The following SV2B variants were observed in gnomAD, a reference collection of about 807,000 sequenced individuals.
SV2B encodes solute carrier family 22 member B2.
SV2B carries 41 observed loss-of-function variants against 73.9 expected under a neutral mutation model. The ratio of observed to expected loss-of-function variants is 0.56; its 90% CI spans 0.43 to 0.72. The LOEUF is 0.72. Among genes scored for constraint, SV2B ranks in the 30% least tolerant of loss-of-function variants. The pLI is 0.00. For synonymous variants in SV2B, 314 were observed against 314.2 expected (o/e 1.00, Z 0.01); for missense variants, 764 against 857.8 (o/e 0.89, Z 1.37).
intron 1 of SV2B, among the ~76,000 whole-genome samples, chr15:91,156,080 T>C (rs2043480914): frequency 6.6e-6 from 1 of 151,984 alleles, no homozygotes; most frequent in Non-Finnish European, 1.5e-5. Context: ...AATGGAAAAG[T>C]GTTTTATGTT....
At chr15:91,200,442 G>A (rs2045418471) in intron 1 of SV2B, among the ~76,000 whole-genome samples, 1 of 152,174 alleles carries the variant, frequency 6.6e-6, no homozygotes, top group Admixed American at 6.5e-5. Context: ...GATCAGAAAG[G>A]AAACTAGAGG....
intron 1 of SV2B, among the ~76,000 whole-genome samples, chr15:91,210,477 A>T (rs2045816665): frequency 6.6e-6 from 1 of 152,154 alleles, no homozygotes; most frequent in Non-Finnish European, 1.5e-5. Flanking sequence ...AAGAAAGGCT[A>T]AAGTCAGAGC....
chr15:91,222,070 C>A (rs542703153), intron 1 of SV2B, among the ~76,000 whole-genome samples: 4 of 152,158 alleles, frequency 2.6e-5, no homozygotes, highest in Admixed American at 2.6e-4. Flanking sequence ...GCCTGCAGTG[C>A]CTTCCTCTCC....
At chr15:91,166,975 G>A (rs1031036459) in intron 1 of SV2B, among the ~76,000 whole-genome samples, 3 of 151,794 alleles carry the variant, frequency 2.0e-5, no homozygotes, top group Admixed American at 6.6e-5. Context: ...CACCATGCCC[G>A]GCTATTTTTT....
chr15:91,156,065 C>T (rs1343910521), intron 1 of SV2B, among the ~76,000 whole-genome samples: 12 of 151,856 alleles, frequency 7.9e-5, no homozygotes, highest in Non-Finnish European at 1.8e-4. Context: ...CAAGCAGAAA[C>T]AAGGAATGGA....
In SV2B at chr15:91,292,809, G is replaced by GGA. The variant is rs2049091923; in HGVS notation, c.*261_*262dup. 2.6e-6 allele frequency: 1 copy of GGA among 383,814 alleles called. No individual in the cohort carries two copies. Among genetic ancestry groups the GGA allele is most frequent in the African/African-American group, 2.1e-5 (1 of 48,550 alleles). 23.8% of individuals were successfully genotyped at this position (383,814 alleles called of 1,614,324 possible). ...TTCAAGTCTTCCCAGTCCAAGGCAG[G>GGA]GAGAGGATTCTCCAGTGAGTGCACA... On this transcript the variant is annotated 3_prime_UTR_variant, in exon 13 of 13. Transcript: ENST00000394232.
In SV2B at chr15:91,260,375, T is replaced by C. The variant is rs773318473; in HGVS notation, c.974T>C (p.Met325Thr). Reference protein sequence around the residue: ...MILKQVHDTNMRAKGTPEKVF... With the variant: ...MILKQVHDTNTRAKGTPEKVF... ...CTCAAGCAAGTCCATGACACCAACA[T>C]GAGAGCTAAGGGGACCCCAGAGAAA... Residue 325 changes from methionine to threonine, a missense_variant, in exon 6 of 13, where the codon ATG becomes ACG. Physicochemically the swap from Met to Thr is moderately conservative, Grantham distance 81 (BLOSUM62 -1). Transcript: ENST00000394232. The C allele has an allele frequency of 6.2e-7, 1 of 1,613,418 alleles. No homozygotes were observed. The highest frequency in any genetic ancestry group is 2.2e-5 in the East Asian group (1 of 44,862).
rs577577165 is a variant in SV2B, at chr15:91,121,227, A to G, written c.-392+20864A>G. On this transcript the variant is annotated intron_variant, in intron 1 of 12. Coordinates refer to ENST00000394232, the MANE Select transcript of SV2B (RefSeq NM_001323032.3). This position sits in a 1 kb window ranked among gnomAD's most constrained non-coding sequence, Gnocchi z 4.4. ...CTGATTTCGAGTCAAAGTTTTCTTC[A>G]CCTCAGGCGAGTTTTTATCTAGTGC... 1.1e-4 allele frequency among the ~76,000 whole-genome samples: 16 copies of G among 152,158 alleles called. No homozygotes were observed. The highest frequency in any genetic ancestry group is 2.6e-4 in the African/African-American group (11 of 41,520).
intron 1 of SV2B, among the ~76,000 whole-genome samples, chr15:91,195,506 A>G (rs1331613507): frequency 6.6e-6 from 1 of 152,200 alleles, no homozygotes; most frequent in Non-Finnish European, 1.5e-5. Flanking sequence ...AAATGGGGAG[A>G]TGAGCATTTT....
intron 1 of SV2B, among the ~76,000 whole-genome samples, chr15:91,148,775 A>G (rs1033986725): frequency 6.6e-6 from 1 of 152,208 alleles, no homozygotes; most frequent in Non-Finnish European, 1.5e-5. Flanking sequence ...CTGAGTCCAC[A>G]TCTGAAGGCA....
At chr15:91,158,221 T>C (rs74038081) in intron 1 of SV2B, among the ~76,000 whole-genome samples, 17,803 of 152,152 alleles carry the variant, frequency 0.12, 1,359 homozygotes, top group South Asian at 0.22. Flanking sequence ...CTTGGTGCTG[T>C]TGTCTCAATA....
At chr15:91,184,075 A>G (rs950668325) in intron 1 of SV2B, among the ~76,000 whole-genome samples, 1 of 152,188 alleles carries the variant, frequency 6.6e-6, no homozygotes, top group African/African-American at 2.4e-5. Flanking sequence ...AACTGTCACA[A>G]TATTGTGAAT....
intron 9 of SV2B, among the ~76,000 whole-genome samples, chr15:91,275,208 C>A (rs897935957): frequency 7.3e-5 from 11 of 151,610 alleles, no homozygotes; most frequent in African/African-American, 2.7e-4. Context: ...TTTGTTTTTT[C>A]TTTTCTCCCA....
rs540834840 is a variant in SV2B at position 91,192,296 on chromosome 15, T to A, written c.-391-33577T>A. On this transcript the variant is annotated intron_variant, in intron 1 of 12. Transcript: ENST00000394232. ...CTTGAATGACTAAAAGAATTTTCAT[T>A]TCACTCTCGCATTTGATTATAAATT... Among the ~76,000 whole-genome samples, 71 of 152,344 alleles carry A rather than the reference T, an allele frequency of 4.7e-4. No individual in the cohort carries two copies. In the South Asian group the frequency reaches 9.1e-3, roughly 20 times the overall value.
chr15:91,143,279 A>G (rs1343943530), intron 1 of SV2B, among the ~76,000 whole-genome samples: 1 of 152,190 alleles, frequency 6.6e-6, no homozygotes, highest in Non-Finnish European at 1.5e-5. Flanking sequence ...GTCCTATTAG[A>G]GACGATTCAG....
intron 1 of SV2B, among the ~76,000 whole-genome samples, chr15:91,167,571 C>A (rs11631514): frequency 0.064 from 9,764 of 152,142 alleles, 424 homozygotes; most frequent in Non-Finnish European, 0.089. Flanking sequence ...CTTCACACCT[C>A]TTTTTTGTCT....
intron 6 of SV2B, among the ~76,000 whole-genome samples, chr15:91,264,779 G>T (rs2048043173): frequency 1.3e-5 from 2 of 152,158 alleles, no homozygotes. Flanking sequence ...TTCGGGGTGG[G>T]AGTGCACCCG....
intron 1 of SV2B, among the ~76,000 whole-genome samples, chr15:91,210,385 T>C (rs1343039000): frequency 6.6e-6 from 1 of 151,930 alleles, no homozygotes; most frequent in Non-Finnish European, 1.5e-5. Context: ...AGAGTACAGA[T>C]GGCAGGCAAT....
chr15:91,284,168 G>A lies in SV2B; in HGVS notation c.1655G>A (p.Gly552Glu), dbSNP rs1156229049. 6.2e-7 allele frequency: 1 copy of A among 1,614,174 alleles called. No homozygotes were observed. The highest frequency in any genetic ancestry group is 1.3e-5 in the African/African-American group (1 of 75,018). The change falls in exon 11 of 13, where the codon GGG becomes GAG. Residue 552 changes from glycine to glutamate, a missense_variant. Physicochemically the swap from Gly to Glu is moderately conservative, Grantham distance 98. Transcript: ENST00000394232. The surrounding 1 kb of genome is among the most constrained non-coding windows in gnomAD (Gnocchi z 4.5). The part of the protein sequence containing the change: ...SFLGSLSVLP[G>E]NIISALLMDR... The stretch of plus-strand genomic sequence containing the variant: ...CTGGGCAGCCTGTCTGTCTTACCCG[G>A]GAACATCATTTCTGCCCTGCTCATG...
Sources: allele counts gnomAD v4.1 joint callset (sites outside exome capture counted in the v4.1 genomes callset), GRCh38; gene constraint gnomAD v4.1.1; non-coding constraint Gnocchi (gnomAD v3.1); transcripts MANE v1.5; gene names NCBI Gene and HGNC (gene_info 2026-07-23, HGNC 2026-07-21).